The following POLRMT variants were observed in gnomAD, a reference collection of about 807,000 sequenced individuals.
The protein encoded by POLRMT is RNA polymerase mitochondrial.
A neutral mutation model predicts 132.2 loss-of-function variants in POLRMT; 114 were observed. The observed-to-expected ratio is 0.86, with a 90% confidence interval of 0.74 to 1.01. The LOEUF (loss-of-function observed/expected upper bound fraction) is 1.01. POLRMT is among the 50% of genes least tolerant of loss of function. POLRMT has a pLI of 0.00. For missense variants in POLRMT, 2,003 were observed against 1,729.1 expected (o/e 1.16, Z -2.81); for synonymous variants, 1,020 against 773.4 (o/e 1.32, Z -5.29).
chr19:620,510 G>A (rs749931229), intron 10 of POLRMT, 23 bp from the exon 11 acceptor site: 14 of 1,546,432 alleles, frequency 9.1e-6, no homozygotes, highest in East Asian at 4.6e-5. Flanking sequence ...CGGATGGGGG[G>A]CAGTGAGGCC....
chr19:624,744 T>C lies in POLRMT; in HGVS notation c.1115A>G (p.Lys372Arg), dbSNP rs746474085. ...PQLPPPVNTS[K>R]LLRDVYAKDG... is the part of the protein sequence containing the mutation. ...CTTGGCATACACGTCCCTGAGCAGC[T>C]TGGAGGTGTTGACCGGGGGCGGCAG... Residue 372 changes from lysine (K) to arginine (R), a missense_variant, in exon 5 of 21, where the codon AAG becomes AGG. Coordinates refer to ENST00000588649, the MANE Select transcript of POLRMT (RefSeq NM_005035.4). The C allele has an allele frequency of 1.2e-6, 2 of 1,613,840 alleles. No individual in the cohort carries two copies. Among genetic ancestry groups the C allele is most frequent in the Non-Finnish European group, 8.5e-7 (1 of 1,179,990 alleles).
At chr19:633,072 G>C (rs918987420) in intron 1 of POLRMT, 134 bp from the exon 2 acceptor site, 5 of 701,198 alleles carry the variant, frequency 7.1e-6, no homozygotes, top group Non-Finnish European at 1.1e-5. Flanking sequence ...GGCTTAAGTT[G>C]GAAAGAAACT....
rs574232475 is a variant in POLRMT at position 622,212 on chromosome 19, C to T, written c.1788G>A (p.Pro596=). The change falls in exon 9 of 21, where the codon CCG becomes CCA. Residue 596 remains proline, a synonymous_variant. Transcript: ENST00000588649. ...ATQMPCSLDK[P]HRSSRLVPVL... is the part of the protein sequence containing the mutation. The stretch of plus-strand genomic sequence containing the variant: ...CGGGGACAAGCCGAGAGGAACGATG[C>T]GGCTTGTCCAGGCTGCATGGCATCT... 12 of 1,571,186 alleles carry T rather than the reference C, an allele frequency of 7.6e-6. No individual in the cohort carries two copies. The East Asian group carries it at 2.9e-4, about 37-fold the overall frequency.
intron 3 of POLRMT, among the ~76,000 whole-genome samples, chr19:626,898 C>CACACACACACACACACATATAT (rs371959370): frequency 1.4e-5 from 2 of 146,700 alleles, no homozygotes; most frequent in African/African-American, 2.5e-5. Context: ...CACACACACA[C>CACACACACACACACACATATAT]ATATATATAT....
Position 629,797 on chromosome 19 carries a change from C to T in POLRMT, c.565G>A (p.Glu189Lys), listed in dbSNP as rs1320066265. 5 of 1,575,948 alleles carry T rather than the reference C, an allele frequency of 3.2e-6. No individual in the cohort carries two copies. Among genetic ancestry groups the T allele is most frequent in the African/African-American group, 1.4e-5 (1 of 73,606 alleles). Residue 189 changes from glutamate (E) to lysine (K), a missense_variant, in exon 3 of 21, where the codon GAG becomes AAG. Physicochemically the swap from Glu to Lys is moderately conservative, Grantham distance 56. Transcript: ENST00000588649. ...TRQAPESPWE[E>K]QLARLLQEAP... ...TCCTGCAGCAGCCGGGCCAGCTGCT[C>T]CTCCCAGGGGCTCTCGGGGGCCTGG...
Position 633,451 on chromosome 19 carries a change from C to A in POLRMT, c.62G>T (p.Gly21Val), listed in dbSNP as rs768124029. 1 of 1,559,602 alleles carries A rather than the reference C, an allele frequency of 6.4e-7. No homozygotes were observed. Among genetic ancestry groups the A allele is most frequent in the Non-Finnish European group, 8.7e-7 (1 of 1,152,512 alleles). Residue 21 changes from glycine to valine, a missense_variant, in exon 1 of 21, where the codon GGC becomes GTC. By Grantham distance (109) the Gly-to-Val change is moderately radical (BLOSUM62 -3). Coordinates refer to ENST00000588649, the MANE Select transcript of POLRMT (RefSeq NM_005035.4). ...TTCTTTGCCGGGGAGTCCCGGGCGG[C>A]CGCAAGGCCGTAGGGCTCGTTTGAG... Reference protein sequence around the residue: ...AGLKRALRPCGRPGLPGKEGT... With the variant: ...AGLKRALRPCVRPGLPGKEGT...
intron 8 of POLRMT, 61 bp from the exon 9 acceptor site, chr19:622,434 C>T: frequency 6.8e-7 from 1 of 1,479,180 alleles, no homozygotes; most frequent in Non-Finnish European, 9.0e-7. Context: ...TGCCCCACCG[C>T]CCGTGCCTGA....
At chr19:620,724 G>A (rs563468346) in intron 10 of POLRMT, among the ~76,000 whole-genome samples, 1 of 146,824 alleles carries the variant, frequency 6.8e-6, no homozygotes, top group Non-Finnish European at 1.5e-5. Context: ...GCTGCCGGGG[G>A]AGGAGGGTGG....
chr19:619,642 A>G lies in POLRMT; in HGVS notation c.3010T>C (p.Tyr1004His), dbSNP rs1371303651. Residue 1004 changes from tyrosine to histidine, a missense_variant, in exon 13 of 21, where the codon TAT becomes CAT. Tyr to His is a moderately conservative substitution (Grantham distance 83). Coordinates refer to ENST00000588649, the MANE Select transcript of POLRMT (RefSeq NM_005035.4). ...VMTVVYGVTR[Y>H]GGRLQIEKRL... ...TTCTCAATCTGCAGGCGCCCGCCAT[A>G]GCGCGTGACCCCGTACACCACCGTC... The G allele has an allele frequency of 1.2e-6, 2 of 1,610,696 alleles. No homozygotes were observed. The highest frequency in any genetic ancestry group is 2.7e-5 in the African/African-American group (2 of 74,848).
Position 628,778 on chromosome 19 carries a change from G to A in POLRMT, c.822+762C>T, listed in dbSNP as rs1985203378. ...TCAGCTCCTCGGGAGGCTCAGGGGG[G>A]CAGATCACGAGGTCAGGAGTTTGAG... On this transcript the variant is annotated intron_variant, in intron 3 of 20. Transcript: ENST00000588649. 9.9e-5 allele frequency among the ~76,000 whole-genome samples: 15 copies of A among 152,234 alleles called. No homozygotes were observed. In the South Asian group the frequency reaches 3.1e-3, roughly 32 times the overall value.
chr19:617,361 A>G (rs765653819), intron 20 of POLRMT, 38 bp from the exon 21 acceptor site: 8 of 1,612,404 alleles, frequency 5.0e-6, no homozygotes, highest in Non-Finnish European at 5.9e-6. Flanking sequence ...GGGTGGCGGG[A>G]AAGCCCCGCC....
At position 620,507 on chromosome 19, in the gene POLRMT, G is replaced by A. The variant is rs199628582; in HGVS notation, c.2641-20C>T. On this transcript the variant is annotated intron_variant, in intron 10 of 20. Coordinates refer to ENST00000588649, the MANE Select transcript of POLRMT (RefSeq NM_005035.4). ...TCGGCCCTGCGGGGACAGCGGATGG[G>A]GGGCAGTGAGGCCCGGGCCCGATCC... 3.2e-5 allele frequency: 49 copies of A among 1,548,482 alleles called. 2 individuals are homozygous for A. The East Asian group carries it at 1.1e-3, about 34-fold the overall frequency.
At chr19:630,852 A>C (rs1302665100) in intron 2 of POLRMT, among the ~76,000 whole-genome samples, 1 of 152,170 alleles carries the variant, frequency 6.6e-6, no homozygotes, top group East Asian at 1.9e-4. Context: ...CTCTTTAAAG[A>C]AGCCTTGTTG....
At chr19:627,926 A>G (rs1374530792) in intron 3 of POLRMT, among the ~76,000 whole-genome samples, 1 of 67,086 alleles carries the variant, frequency 1.5e-5, no homozygotes, top group African/African-American at 5.0e-5. Flanking sequence ...GTCTATCTCA[A>G]AAAAAAAAAA....
chr19:618,331 C>A, intron 17 of POLRMT, 157 bp downstream of exon 17: 1 of 627,970 alleles, frequency 1.6e-6, no homozygotes, highest in South Asian at 2.1e-5. Flanking sequence ...ATTCGGGGCA[C>A]ACAGCCTCAG....
In POLRMT at chr19:617,323, C is replaced by T. The variant is rs770874829; in HGVS notation, c.3644G>A (p.Gly1215Glu). 6.2e-7 allele frequency: 1 copy of T among 1,612,910 alleles called. No homozygotes were observed. The highest frequency in any genetic ancestry group is 1.1e-5 in the South Asian group (1 of 91,084). The change falls in exon 21 of 21, where the codon GGG becomes GAG. Residue 1215 changes from glycine to glutamate, a missense_variant and splice_region_variant. Transcript: ENST00000588649. ...KETLQAVPKP[G>E]AFDLEQVKRS... is the part of the protein sequence containing the mutation. ...CTTCACCTGCTCCAGGTCGAAGGCC[C>T]CTGCGGAGGAAGCAGAGCGGACGGC...
chr19:621,485 G>A lies in POLRMT; in HGVS notation c.2213C>T (p.Ala738Val), dbSNP rs532149649. Reference sequence around the variant, plus strand: ...CAGGTGGGCCTCGGGCGGCTGGGGCGCCTCGGAGGGCGGGGCCGGCACGCC... The same window carrying A: ...CAGGTGGGCCTCGGGCGGCTGGGGCACCTCGGAGGGCGGGGCCGGCACGCC... ...QLGVPAPPSE[A>V]PQPPEAHLPH... The change falls in exon 10 of 21, where the codon GCG (alanine) becomes GTG (valine). Residue 738 changes from alanine to valine, a missense_variant. Coordinates refer to ENST00000588649, the MANE Select transcript of POLRMT (RefSeq NM_005035.4). 166 of 1,366,068 alleles carry A rather than the reference G, an allele frequency of 1.2e-4. 1 individual carries two copies. The African/African-American group carries it at 2.4e-3, about 20-fold the overall frequency. The allele number at this position is 1,366,068 out of a possible 1,614,324, so 84.6% of individuals were successfully genotyped here. A position where few individuals can be genotyped will look rare whatever the true frequency, so the allele number is the denominator to read the frequency against.
chr19:620,409 C>T lies in POLRMT; in HGVS notation c.2719G>A (p.Ala907Thr), dbSNP rs780855603. ...GAGACATAGGCGGCAGGGTCGGAGG[C>T]GCGCACAGCGTTCGCCACCTCCATA... ...CCMEVANAVR[A>T]SDPAAYVSHL... Residue 907 changes from alanine to threonine, a missense_variant, in exon 11 of 21, where the codon GCC (alanine) becomes ACC (threonine). By Grantham distance (58) the Ala-to-Thr change is moderately conservative (BLOSUM62 0). Coordinates refer to ENST00000588649, the MANE Select transcript of POLRMT (RefSeq NM_005035.4). 69 of 1,588,516 alleles carry T rather than the reference C, an allele frequency of 4.3e-5. No homozygotes were observed. The highest frequency in any genetic ancestry group is 5.2e-5 in the Non-Finnish European group (61 of 1,168,726).
chr19:626,898 C>CATATATATATATATATAT (rs113561619), intron 3 of POLRMT, among the ~76,000 whole-genome samples: 3 of 146,700 alleles, frequency 2.0e-5, no homozygotes, highest in African/African-American at 7.6e-5. Flanking sequence ...CACACACACA[C>CATATATATATATATATAT]ATATATATAT....
Sources: allele counts gnomAD v4.1 joint callset (sites outside exome capture counted in the v4.1 genomes callset), GRCh38; gene constraint gnomAD v4.1.1; transcripts MANE v1.5; gene names NCBI Gene and HGNC (gene_info 2026-07-23, HGNC 2026-07-21).